The following ADAMTSL1 variants were observed in gnomAD, a reference collection of about 807,000 sequenced individuals.
ADAMTSL1 encodes ADAMTS-like protein 1.
ADAMTSL1 carries 126 observed loss-of-function variants against 201.8 expected under a neutral mutation model. The ratio of observed to expected loss-of-function variants is 0.62; its 90% CI spans 0.54 to 0.72. The LOEUF is 0.72. ADAMTSL1 is among the 30% of genes least tolerant of loss of function. The pLI is 0.00. For synonymous variants in ADAMTSL1, 1,121 were observed against 903.4 expected, an observed-to-expected ratio of 1.24 and a Z score of -4.32; for missense variants, 2,679 against 2,277.8, an observed-to-expected ratio of 1.18 and a Z score of -3.59.
At chr9:18,534,938 G>A (rs113222469) in intron 3 of ADAMTSL1, among the ~76,000 whole-genome samples, 3,881 of 152,286 alleles carry the variant, frequency 0.025, 148 homozygotes, top group African/African-American at 0.088. Context: ...TCCCTTCTAG[G>A]CCTCTGGGAC....
intron 15 of ADAMTSL1, among the ~76,000 whole-genome samples, chr9:18,728,470 A>AAC (rs1554743702): frequency 6.6e-6 from 1 of 151,700 alleles, no homozygotes; most frequent in African/African-American, 2.4e-5. Flanking sequence ...AGAAAAAAAA[A>AAC]ACACACACAC....
At chr9:18,116,927 A>T (rs1363955504) in intron 1 of ADAMTSL1, among the ~76,000 whole-genome samples, 2 of 152,182 alleles carry the variant, frequency 1.3e-5, no homozygotes, top group Non-Finnish European at 2.9e-5. Context: ...ATCTACAATG[A>T]CTATCTTTCT....
At chr9:18,623,457 C>T (rs1281498532) in intron 5 of ADAMTSL1, among the ~76,000 whole-genome samples, 1 of 152,044 alleles carries the variant, frequency 6.6e-6, no homozygotes, top group Non-Finnish European at 1.5e-5. Flanking sequence ...ATTCCAGAGC[C>T]TAAGCACTTA....
chr9:18,824,824 A>C (rs1057409335), intron 21 of ADAMTSL1, among the ~76,000 whole-genome samples: 1 of 148,522 alleles, frequency 6.7e-6, no homozygotes, highest in African/African-American at 2.5e-5. Flanking sequence ...CAGCCTCCTG[A>C]GTAGCTGGGA....
intron 9 of ADAMTSL1, among the ~76,000 whole-genome samples, chr9:18,672,172 C>A (rs558558510): frequency 1.3e-5 from 2 of 151,056 alleles, no homozygotes; most frequent in African/African-American, 2.4e-5. Context: ...GCAGTGTGAG[C>A]CCAATTTTGG....
intron 1 of ADAMTSL1, among the ~76,000 whole-genome samples, chr9:18,035,306 C>A (rs1370169604): frequency 6.6e-6 from 1 of 152,174 alleles, no homozygotes; most frequent in Non-Finnish European, 1.5e-5. Context: ...ATCCTGAATT[C>A]ATCCAGGAGA....
At chr9:17,976,438 C>T (rs1242139543) in intron 1 of ADAMTSL1, among the ~76,000 whole-genome samples, 1 of 151,746 alleles carries the variant, frequency 6.6e-6, no homozygotes, top group Non-Finnish European at 1.5e-5. Context: ...ACAGCTCTTT[C>T]ACCTCCTTGC....
Position 18,263,547 on chromosome 9 carries a change from C to T in ADAMTSL1, c.207+99566C>T, listed in dbSNP as rs961837684. On this transcript the variant is annotated intron_variant, in intron 2 of 29. Coordinates refer to the ADAMTSL1 transcript ENST00000680146. The stretch of plus-strand genomic sequence containing the variant: ...GCTCTCATTTATATGTTGACATCCC[C>T]ACATTCCAGCCTGACCGCAAATTCC... 4.6e-5 allele frequency among the ~76,000 whole-genome samples: 7 copies of T among 152,206 alleles called. No individual in the cohort carries two copies. The East Asian group carries it at 1.2e-3, about 25-fold the overall frequency.
chr9:18,781,685 A>G (rs184057407), intron 19 of ADAMTSL1, among the ~76,000 whole-genome samples: 3 of 152,268 alleles, frequency 2.0e-5, no homozygotes, highest in African/African-American at 7.2e-5. Context: ...TGAAATGTCC[A>G]GTGTTATAGT....
chr9:18,321,625 C>T (rs984694941), intron 2 of ADAMTSL1, among the ~76,000 whole-genome samples: 3 of 152,130 alleles, frequency 2.0e-5, no homozygotes, highest in African/African-American at 4.8e-5. Context: ...AACCACATCT[C>T]TACCAGAAAC....
chr9:18,274,523 C>A (rs993122551), intron 2 of ADAMTSL1, among the ~76,000 whole-genome samples: 5 of 151,548 alleles, frequency 3.3e-5, no homozygotes, highest in Non-Finnish European at 5.9e-5. Context: ...CATAATACAA[C>A]AGAAATAGGC....
At chr9:18,669,099 C>A (rs187147874) in intron 9 of ADAMTSL1, among the ~76,000 whole-genome samples, 59 of 152,310 alleles carry the variant, frequency 3.9e-4, no homozygotes, top group Non-Finnish European at 6.8e-4. Context: ...AGATCTGGTT[C>A]CAGCCCAACG....
rs1363652167 is a variant in ADAMTSL1, at chr9:17,912,031, C to T, written c.87+5109C>T. On this transcript the variant is annotated intron_variant, in intron 1 of 29. Coordinates refer to the ADAMTSL1 transcript ENST00000680146. ...GACATGAACTCATCATTTTTTATGG[C>T]TGCATAGTATTCCATGGTGTATATG... is the stretch of plus-strand genomic sequence containing the variant. Among the ~76,000 whole-genome samples the T allele has an allele frequency of 3.9e-4, 22 of 55,770 alleles. 4 individuals are homozygous for T. The highest frequency in any genetic ancestry group is 7.3e-4 in the African/African-American group (22 of 30,272). 36.6% of individuals were successfully genotyped at this position (55,770 alleles called of 152,430 possible).
At chr9:18,295,144 A>G (rs1007557368) in intron 2 of ADAMTSL1, among the ~76,000 whole-genome samples, 1 of 152,112 alleles carries the variant, frequency 6.6e-6, no homozygotes, top group Non-Finnish European at 1.5e-5. Context: ...CATGGTCACT[A>G]TAGAATGGGC....
intron 1 of ADAMTSL1, among the ~76,000 whole-genome samples, chr9:17,953,990 C>T (rs1252724512): frequency 1.3e-5 from 2 of 152,130 alleles, no homozygotes; most frequent in Admixed American, 1.3e-4. Context: ...TTCTACATCA[C>T]GTGCCTATTT....
intron 20 of ADAMTSL1, among the ~76,000 whole-genome samples, chr9:18,806,107 G>A (rs1823100390): frequency 6.6e-6 from 1 of 152,204 alleles, no homozygotes; most frequent in African/African-American, 2.4e-5. Flanking sequence ...GGAATGGAAG[G>A]AAGACCCATT....
Position 18,272,762 on chromosome 9 carries a change from AC to A in ADAMTSL1, c.207+108783del, listed in dbSNP as rs1355922796. ...CTAGAGGCTCATCTCTCTTCAGCAGACCTGGCCCTCTCTTAACCATTTTTTC... is the reference window on the plus strand; with the variant it reads ...CTAGAGGCTCATCTCTCTTCAGCAGACTGGCCCTCTCTTAACCATTTTTTC... On this transcript the variant is annotated intron_variant, in intron 2 of 29. Coordinates refer to the ADAMTSL1 transcript ENST00000680146. 3.3e-5 allele frequency among the ~76,000 whole-genome samples: 5 copies of A among 152,086 alleles called. No homozygotes were observed. In the East Asian group the frequency reaches 9.7e-4, roughly 29 times the overall value.
At chr9:18,308,409 G>GTT (rs1395156493) in intron 2 of ADAMTSL1, among the ~76,000 whole-genome samples, 1 of 152,096 alleles carries the variant, frequency 6.6e-6, no homozygotes, top group East Asian at 1.9e-4. Flanking sequence ...CCAGGAGCTG[G>GTT]TTTTTTGAAA....
chr9:18,463,290 G>T (rs898669197), intron 2 of ADAMTSL1, among the ~76,000 whole-genome samples: 1 of 152,006 alleles, frequency 6.6e-6, no homozygotes, highest in African/African-American at 2.4e-5. Flanking sequence ...GTTCATACAG[G>T]GGAATTTCAT....
Sources: gnomAD v4.1 joint callset for allele counts (sites outside exome capture counted in the v4.1 genomes callset) on GRCh38, gnomAD v4.1.1 for gene constraint, MANE v1.5 for transcripts, NCBI Gene and HGNC (gene_info 2026-07-23, HGNC 2026-07-21) for gene names.